The following BTBD9 variants were observed in gnomAD, a reference collection of about 807,000 sequenced individuals.
BTBD9 encodes BTB/POZ domain-containing protein 9.
BTBD9 carries 49 observed loss-of-function variants against 64.3 expected under a neutral mutation model. That is an observed-to-expected ratio of 0.76 (90% confidence interval 0.61 to 0.97). The LOEUF (loss-of-function observed/expected upper bound fraction) is 0.97. BTBD9 is among the 50% of genes least tolerant of loss of function. The pLI is 0.00. For missense variants in BTBD9, 598 were observed against 762.1 expected, an observed-to-expected ratio of 0.78 and a Z score of 2.53; for synonymous variants, 260 against 274.7, an observed-to-expected ratio of 0.95 and a Z score of 0.53.
At chr6:38,400,004 C>A (rs771488390) in intron 6 of BTBD9, among the ~76,000 whole-genome samples, 2 of 151,626 alleles carry the variant, frequency 1.3e-5, no homozygotes, top group South Asian at 4.2e-4. Flanking sequence ...TCAGGTGATC[C>A]GCCCGCCTCG....
In BTBD9 at chr6:38,341,553, G is replaced by A. The variant is rs114125736; in HGVS notation, c.1264+3431C>T. 1.9e-3 allele frequency among the ~76,000 whole-genome samples: 297 copies of A among 152,314 alleles called. 1 individual carries two copies. Among genetic ancestry groups the A allele is most frequent in the African/African-American group, 6.6e-3 (275 of 41,566 alleles). Reference sequence around the variant, plus strand: ...AATTTAAACACAAGATTAAAAGGAAGATTTGGAAATCCTTACAAAAAGCAG... The same window carrying A: ...AATTTAAACACAAGATTAAAAGGAAAATTTGGAAATCCTTACAAAAAGCAG... On this transcript the variant is annotated intron_variant, in intron 7 of 10. Transcript: ENST00000481247.
chr6:38,450,481 A>G (rs1313330674), intron 6 of BTBD9, among the ~76,000 whole-genome samples: 4 of 152,220 alleles, frequency 2.6e-5, no homozygotes, highest in African/African-American at 7.2e-5. Flanking sequence ...CTACTATTCC[A>G]CTAAGTATAA....
chr6:38,433,237 T>C (rs572847886), intron 6 of BTBD9, among the ~76,000 whole-genome samples: 1 of 151,876 alleles, frequency 6.6e-6, no homozygotes, highest in South Asian at 2.1e-4. Context: ...CCTAATTCCT[T>C]CATGTCAGTT....
intron 7 of BTBD9, among the ~76,000 whole-genome samples, chr6:38,323,827 G>A (rs1458450564): frequency 1.3e-5 from 2 of 151,776 alleles, no homozygotes; most frequent in East Asian, 3.9e-4. Flanking sequence ...GCCCAGGTGT[G>A]GTGGCTCACA....
chr6:38,330,303 T>G (rs939382597), intron 7 of BTBD9, among the ~76,000 whole-genome samples: 1 of 152,214 alleles, frequency 6.6e-6, no homozygotes, highest in Admixed American at 6.5e-5. Flanking sequence ...TCCACCCATA[T>G]TGGCCTCCCA....
chr6:38,314,436 T>A (rs1762961318), intron 7 of BTBD9, among the ~76,000 whole-genome samples: 1 of 152,072 alleles, frequency 6.6e-6, no homozygotes, highest in Admixed American at 6.6e-5. Context: ...TTAATGTGTC[T>A]TTGTCTGGTT....
At chr6:38,414,280 G>C (rs1767567346) in intron 6 of BTBD9, among the ~76,000 whole-genome samples, 2 of 152,152 alleles carry the variant, frequency 1.3e-5, no homozygotes, top group Non-Finnish European at 2.9e-5. Context: ...GGAATAGGAA[G>C]ACATCCATAA....
At chr6:38,304,989 T>TC (rs1356740089) in intron 7 of BTBD9, among the ~76,000 whole-genome samples, 1 of 152,110 alleles carries the variant, frequency 6.6e-6, no homozygotes, top group East Asian at 1.9e-4. Flanking sequence ...TTTTTTTTTT[T>TC]TTCTGCAGCT....
At chr6:38,386,818 A>G (rs1766193965) in intron 6 of BTBD9, among the ~76,000 whole-genome samples, 1 of 151,388 alleles carries the variant, frequency 6.6e-6, no homozygotes, top group Admixed American at 6.6e-5. Context: ...ATTTTTATAC[A>G]CTTTTGTAAA....
chr6:38,395,233 C>A (rs1766613256), intron 6 of BTBD9, among the ~76,000 whole-genome samples: 1 of 151,916 alleles, frequency 6.6e-6, no homozygotes, highest in African/African-American at 2.4e-5. Context: ...AAGTTAGAGA[C>A]CAGCCTGAAC....
At chr6:38,277,171 A>G (rs1190335653) in intron 8 of BTBD9, among the ~76,000 whole-genome samples, 1 of 152,200 alleles carries the variant, frequency 6.6e-6, no homozygotes, top group African/African-American at 2.4e-5. Flanking sequence ...AAAGCACAGG[A>G]GACCAGTTAC....
Position 38,345,073 on chromosome 6 carries a change from G to A in BTBD9, c.1175C>T (p.Thr392Ile). The A allele has an allele frequency of 6.2e-7, 1 of 1,606,216 alleles. No individual in the cohort carries two copies. The highest frequency in any genetic ancestry group is 8.5e-7 in the Non-Finnish European group (1 of 1,174,764). ...RVCRYIRIVG[T>I]HNTVNKIFHI... is the part of the protein sequence containing the mutation. ...AAAAATCTTGTTCACTGTGTTGTGA[G>A]TCCCAACAATTCGAATATACCTGAC... The change falls in exon 7 of 11, where the codon ACT (threonine) becomes ATT (isoleucine). Residue 392 changes from threonine (T) to isoleucine (I), a missense_variant. Transcript: ENST00000481247.
intron 6 of BTBD9, among the ~76,000 whole-genome samples, chr6:38,563,587 A>C (rs1286332648): frequency 1.3e-5 from 2 of 152,100 alleles, no homozygotes; most frequent in Non-Finnish European, 2.9e-5. Context: ...CAAGCTCTTT[A>C]ACGTGCCCCA....
At chr6:38,394,349 A>G (rs191222334) in intron 6 of BTBD9, among the ~76,000 whole-genome samples, 67 of 152,306 alleles carry the variant, frequency 4.4e-4, no homozygotes, top group Admixed American at 1.0e-3. Context: ...TCTCACAGAA[A>G]GACATATCTG....
rs527526262 is a variant in BTBD9 at position 38,183,269 on chromosome 6, G to A, written c.1642-8087C>T. ...TGGGATTACAGGTGTGAGCCACCGC[G>A]CCCGGCCTAAAAGGTCTTCTTTTAT... On this transcript the variant is annotated intron_variant, in intron 10 of 10. Coordinates refer to ENST00000481247, the MANE Select transcript of BTBD9 (RefSeq NM_001099272.2). Among the ~76,000 whole-genome samples, 23 of 152,310 alleles carry A rather than the reference G, an allele frequency of 1.5e-4. 1 individual carries two copies. Among genetic ancestry groups the A allele is most frequent in the East Asian group, 5.8e-4 (3 of 5,186 alleles).
intron 6 of BTBD9, among the ~76,000 whole-genome samples, chr6:38,450,399 G>C (rs2127332688): frequency 6.6e-6 from 1 of 152,262 alleles, no homozygotes; most frequent in Admixed American, 6.5e-5. Flanking sequence ...GAAAAACGCT[G>C]AGAGAGTGGA....
intron 5 of BTBD9, 126 bp from the exon 6 acceptor site, chr6:38,577,845 C>A: frequency 1.2e-6 from 1 of 837,014 alleles, no homozygotes; most frequent in Non-Finnish European, 1.8e-6. Context: ...TCTACATAAT[C>A]AAATTCTAAT....
chr6:38,556,754 T>C (rs1251487529), intron 6 of BTBD9, among the ~76,000 whole-genome samples: 2 of 151,490 alleles, frequency 1.3e-5, no homozygotes, highest in Admixed American at 6.6e-5. Context: ...CGGTGGATCA[T>C]GCCTGTAATC....
chr6:38,197,462 G>A (rs1214441861), intron 9 of BTBD9, among the ~76,000 whole-genome samples: 1 of 152,102 alleles, frequency 6.6e-6, no homozygotes, highest in African/African-American at 2.4e-5. Context: ...GAATATTATT[G>A]ACACCTCATT....
Sources: gnomAD v4.1 joint callset for allele counts (sites outside exome capture counted in the v4.1 genomes callset) on GRCh38, gnomAD v4.1.1 for gene constraint, MANE v1.5 for transcripts, NCBI Gene and HGNC (gene_info 2026-07-23, HGNC 2026-07-21) for gene names.